FHL1: variants seen among roughly 807,000 people sequenced by gnomAD.
FHL1 encodes four and a half LIM domains 1, also known as four and a half LIM domains protein 1.
In FHL1, 1 loss-of-function variant was observed where a neutral mutation model predicts 20.3. The ratio of observed to expected loss-of-function variants is 0.05; its 90% CI spans 0.02 to 0.23. FHL1 has a LOEUF of 0.23. Ranked by LOEUF, FHL1 falls within the 10% of genes least tolerant of loss-of-function variation. The probability of loss-of-function intolerance (pLI) is 1.00; values close to 1 mark genes in which losing one functional copy is unlikely to be tolerated. For missense variants in FHL1, 177 were observed against 234.0 expected (o/e 0.76, Z 1.59); for synonymous variants, 82 against 88.9 (o/e 0.92, Z 0.44).
chrX:136,156,385 G>A (rs1277806734), intron 1 of FHL1, among the ~76,000 whole-genome samples: 4 of 107,876 alleles, frequency 3.7e-5, no homozygotes, highest in East Asian at 2.9e-4. Flanking sequence ...GGGTTCAAGC[G>A]ATTCTCCTGC....
At chrX:136,178,535 G>T (rs1395905742) in intron 2 of FHL1, among the ~76,000 whole-genome samples, 3 of 111,028 alleles carry the variant, frequency 2.7e-5, no homozygotes, top group Non-Finnish European at 5.7e-5. Context: ...GGCAGAGGGT[G>T]CAGGGTGCAG....
At chrX:136,200,493 A>G (rs1451036963) in intron 1 of FHL1, among the ~76,000 whole-genome samples, 2 of 112,227 alleles carry the variant, frequency 1.8e-5, no homozygotes, top group Non-Finnish European at 3.8e-5. Context: ...TAGGGTTGGT[A>G]TGGACAAAAT....
chrX:136,211,149 A>G lies in FHL1; in HGVS notation c.*1124A>G. The G allele has an allele frequency of 2.7e-6, 1 of 372,393 alleles. No individual in the cohort carries two copies. Among genetic ancestry groups the G allele is most frequent in the Non-Finnish European group, 5.1e-6 (1 of 195,984 alleles). 30.7% of individuals were successfully genotyped at this position (372,393 alleles called of 1,213,427 possible). On this transcript the variant is annotated 3_prime_UTR_variant, in exon 6 of 6. Transcript: ENST00000370683. ...TCCACCTACCGCTTACCTGAAATGC[A>G]GGATCACCTACTTACTGTATTCTAC...
At chrX:136,189,727 T>A (rs2073389786) in intron 2 of FHL1, among the ~76,000 whole-genome samples, 1 of 111,871 alleles carries the variant, frequency 8.9e-6, no homozygotes, top group Admixed American at 9.5e-5. Flanking sequence ...TAAGTGAAAC[T>A]TGCCAATGTC....
At chrX:136,166,590 C>T (rs1329469678), upstream of FHL1, among the ~76,000 whole-genome samples, 2 of 111,714 alleles carry the variant, frequency 1.8e-5, no homozygotes, top group African/African-American at 3.3e-5. Context: ...GAAGTGATTC[C>T]GGTTCTTGAA....
Position 136,209,872 on chromosome X carries a change from G to T in FHL1, c.738G>T (p.Gly246=). The T allele has an allele frequency of 1.7e-6, 2 of 1,209,209 alleles. No individual in the cohort carries two copies. The highest frequency in any genetic ancestry group is 2.2e-6 in the Non-Finnish European group (2 of 894,578). ...TCTTTTCTTTTTTTTTCCCCCCAGGGTTTGGTAAAGGCTCCAGTGTGGTGG... is the reference window on the plus strand; with the variant it reads ...TCTTTTCTTTTTTTTTCCCCCCAGGTTTTGGTAAAGGCTCCAGTGTGGTGG... ...KCAGCKNPIT[G]FGKGSSVVAY... Residue 246 remains glycine, a splice_region_variant and synonymous_variant, in exon 6 of 6, where the codon GGG becomes GGT. Transcript: ENST00000370683.
chrX:136,173,529 T>C (rs1480506902), intron 2 of FHL1, among the ~76,000 whole-genome samples: 1 of 111,016 alleles, frequency 9.0e-6, no homozygotes, highest in African/African-American at 3.3e-5. Context: ...CACACAGAGG[T>C]GTTCTTTTAA....
At chrX:136,153,246 A>G (rs1056165099) in intron 1 of FHL1, among the ~76,000 whole-genome samples, 5 of 96,282 alleles carry the variant, frequency 5.2e-5, no homozygotes, top group Non-Finnish European at 8.3e-5. Context: ...CAGCCCAATC[A>G]CAATCATTTT....
chrX:136,151,241 G>A lies in FHL1; in HGVS notation c.-101+3613G>A, dbSNP rs1204161299. On this transcript the variant is annotated intron_variant, in intron 1 of 7. Coordinates refer to the FHL1 transcript ENST00000394155. ...GGATGCTGCTTAAATATCCAACAGC[G>A]CATAGGGCAGTGCCTGGCGGCAAAC... Among the ~76,000 whole-genome samples the A allele has an allele frequency of 3.6e-5, 4 of 110,860 alleles. No individual in the cohort carries two copies. In the East Asian group the frequency reaches 1.1e-3, roughly 32 times the overall value.
chrX:136,176,124 C>T (rs2072996729), intron 2 of FHL1, among the ~76,000 whole-genome samples: 1 of 112,200 alleles, frequency 8.9e-6, no homozygotes. Flanking sequence ...TACCACATGA[C>T]ACCAAGTATA....
chrX:136,159,641 G>A (rs910265379), intron 1 of FHL1, among the ~76,000 whole-genome samples: 1 of 112,169 alleles, frequency 8.9e-6, no homozygotes, highest in African/African-American at 3.2e-5. Flanking sequence ...CTTGTGGCAC[G>A]AGCCCCTGAA....
At chrX:136,206,952 G>C in intron 2 of FHL1, 64 bp from the exon 3 acceptor site, 1 of 1,157,951 alleles carries the variant, frequency 8.6e-7, no homozygotes, top group Non-Finnish European at 1.2e-6. Flanking sequence ...AGCCTTATGG[G>C]AGGGCTCCTG....
intron 1 of FHL1, among the ~76,000 whole-genome samples, chrX:136,160,201 T>C (rs1055657921): frequency 9.1e-6 from 1 of 110,320 alleles, no homozygotes; most frequent in Non-Finnish European, 1.9e-5. Flanking sequence ...GAGGATCAGG[T>C]CTAAGAGGGA....
intron 2 of FHL1, among the ~76,000 whole-genome samples, chrX:136,172,590 T>C (rs1227475195): frequency 8.9e-6 from 1 of 112,776 alleles, no homozygotes; most frequent in Non-Finnish European, 1.9e-5. Context: ...TGGATGCAGC[T>C]GTCCCTGGGA....
intron 1 of FHL1, among the ~76,000 whole-genome samples, chrX:136,205,942 C>G (rs1190791462): frequency 9.0e-6 from 1 of 111,330 alleles, no homozygotes; most frequent in Non-Finnish European, 1.9e-5. Context: ...GCCCCACACT[C>G]TTCCTTTGTA....
rs190794132 is a variant in FHL1 at position 136,175,382 on chromosome X, A to G, written c.-27+5402A>G. On this transcript the variant is annotated intron_variant, in intron 2 of 6. Coordinates refer to the FHL1 transcript ENST00000394153. ...ACTGCTGGTAGCAAAGTAAGTTGGT[A>G]CAAAGCCTTTTGGAACATTGTTTGG... Among the ~76,000 whole-genome samples the G allele has an allele frequency of 2.2e-4, 25 of 112,714 alleles. No individual in the cohort carries two copies. In the Admixed American group the frequency reaches 2.3e-3, roughly 11 times the overall value.
intron 2 of FHL1, among the ~76,000 whole-genome samples, chrX:136,177,847 G>A (rs2073045810): frequency 8.9e-6 from 1 of 112,064 alleles, no homozygotes; most frequent in African/African-American, 3.2e-5. Flanking sequence ...CATCATGAAC[G>A]CTCCTATTAA....
upstream of FHL1, among the ~76,000 whole-genome samples, chrX:136,168,927 T>A (rs910442403): frequency 2.7e-5 from 3 of 111,817 alleles, no homozygotes; most frequent in African/African-American, 9.8e-5. Context: ...TGTTTCCATC[T>A]ATACTTCTTG....
chrX:136,157,592 A>G (rs2072456196), intron 1 of FHL1, among the ~76,000 whole-genome samples: 1 of 111,070 alleles, frequency 9.0e-6, no homozygotes, highest in Non-Finnish European at 1.9e-5. Flanking sequence ...TATCACCTCC[A>G]CAAGTTTATC....
Sources: gnomAD v4.1 joint callset for allele counts (sites outside exome capture counted in the v4.1 genomes callset) on GRCh38, gnomAD v4.1.1 for gene constraint, MANE v1.5 for transcripts, NCBI Gene and HGNC (gene_info 2026-07-23, HGNC 2026-07-21) for gene names.